Variants in ZBTB17 observed in about 807,000 individuals in gnomAD.
The protein encoded by ZBTB17 is zinc finger and BTB domain containing 17, also known as zinc finger and BTB domain-containing protein 17.
A neutral mutation model predicts 85.1 loss-of-function variants in ZBTB17; 24 were observed. That is an observed-to-expected ratio of 0.28 (90% CI 0.20 to 0.40). The LOEUF (loss-of-function observed/expected upper bound fraction) is 0.40. Among genes scored for constraint, ZBTB17 ranks in the 10% least tolerant of loss-of-function variants. The pLI is 1.00. For missense variants in ZBTB17, 743 were observed against 1,105.1 expected, an observed-to-expected ratio of 0.67 and a Z score of 4.65; for synonymous variants, 464 against 460.2, an observed-to-expected ratio of 1.01 and a Z score of -0.11.
Position 15,944,462 on chromosome 1 carries a change from G to T in ZBTB17, c.1209C>A (p.Gly403=). Residue 403 remains glycine, a synonymous_variant, in exon 9 of 16, where the codon GGC becomes GGA. Transcript: ENST00000375743. ...GCACCAGCTGGTGGCGCTTGAGGTT[G>T]CCCGAGGTGGTGAAGAGCTTGCCGC... ...EDCGKLFTTS[G]NLKRHQLVHS... 1 of 1,576,312 alleles carries T rather than the reference G, an allele frequency of 6.3e-7. No individual in the cohort carries two copies.
At chr1:15,969,756 G>T in intron 2 of ZBTB17, 1 of 497,620 alleles carries the variant, frequency 2.0e-6, no homozygotes, top group Non-Finnish European at 3.9e-6. Context: ...TGGGCCTCAT[G>T]GGACAGTGTC....
At chr1:15,960,170 C>T (rs2072207309) in intron 2 of ZBTB17, among the ~76,000 whole-genome samples, 1 of 152,226 alleles carries the variant, frequency 6.6e-6, no homozygotes, top group African/African-American at 2.4e-5. Context: ...TTAAAACACT[C>T]CTACCTCCAA....
intron 2 of ZBTB17, 88 bp from the exon 3 acceptor site, chr1:15,948,585 C>A: frequency 1.5e-6 from 2 of 1,358,808 alleles, no homozygotes; most frequent in Admixed American, 2.2e-5. Flanking sequence ...CAGGCGAGCA[C>A]CATGGAGAAG....
intron 2 of ZBTB17, among the ~76,000 whole-genome samples, chr1:15,972,107 C>T (rs554295911): frequency 3.8e-4 from 58 of 152,142 alleles, no homozygotes; most frequent in African/African-American, 8.7e-4. Flanking sequence ...TCCCTGTGTG[C>T]GCACACCCTC....
intron 2 of ZBTB17, among the ~76,000 whole-genome samples, chr1:15,961,723 T>C (rs1463731215): frequency 6.6e-6 from 1 of 152,202 alleles, no homozygotes; most frequent in Non-Finnish European, 1.5e-5. Context: ...GCCAGCCGCT[T>C]TGAAGTGCAA....
intron 2 of ZBTB17, among the ~76,000 whole-genome samples, chr1:15,957,836 C>A (rs1386771939): frequency 6.6e-6 from 1 of 152,086 alleles, no homozygotes; most frequent in African/African-American, 2.4e-5. Flanking sequence ...AAGATCTGTG[C>A]CCGGAGACAC....
At chr1:15,971,434 C>T (rs1557799533) in intron 2 of ZBTB17, among the ~76,000 whole-genome samples, 1 of 117,684 alleles carries the variant, frequency 8.5e-6, no homozygotes, top group Non-Finnish European at 1.8e-5. Context: ...TATATACACA[C>T]ACACTATATA....
Position 15,973,796 on chromosome 1 carries a change from A to G in ZBTB17, c.-89-671T>C, listed in dbSNP as rs2072760515. ...CTCTCTGCCTTTAACTCACACCTTT[A>G]TTTCTCACTTGGATTATTCTAGCAG... On this transcript the variant is annotated intron_variant, in intron 1 of 15. Coordinates refer to ENST00000375743, the MANE Select transcript of ZBTB17 (RefSeq NM_003443.3). This position sits in a 1 kb window ranked among gnomAD's most constrained non-coding sequence, Gnocchi z 4.1. 6.6e-6 allele frequency among the ~76,000 whole-genome samples: 1 copy of G among 152,026 alleles called. No individual in the cohort carries two copies. The highest frequency in any genetic ancestry group is 1.5e-5 in the Non-Finnish European group (1 of 68,018).
At chr1:15,949,010 G>C (rs558180590) in intron 2 of ZBTB17, among the ~76,000 whole-genome samples, 14 of 152,176 alleles carry the variant, frequency 9.2e-5, no homozygotes, top group African/African-American at 3.4e-4. Flanking sequence ...TCATCAGCCA[G>C]TGTTGCAGAA....
At chr1:15,962,032 C>T (rs1036322942) in intron 2 of ZBTB17, among the ~76,000 whole-genome samples, 10 of 151,924 alleles carry the variant, frequency 6.6e-5, no homozygotes, top group African/African-American at 2.4e-4. Context: ...GGTGAGATCC[C>T]GTCTCTACAA....
At chr1:15,946,794 A>T in intron 4 of ZBTB17, 141 bp downstream of exon 4, 1 of 1,094,988 alleles carries the variant, frequency 9.1e-7, no homozygotes, top group Admixed American at 2.7e-5. Context: ...CCACCCTCAG[A>T]CCTGAGGCTA....
intron 2 of ZBTB17, among the ~76,000 whole-genome samples, chr1:15,970,517 G>T (rs934984787): frequency 6.6e-6 from 1 of 151,634 alleles, no homozygotes; most frequent in Admixed American, 6.6e-5. Flanking sequence ...CGAGTAGCTG[G>T]GACTACAGGC....
rs769855092 is a variant in ZBTB17 at position 15,944,401 on chromosome 1, C to T, written c.1270G>A (p.Gly424Ser). 51 of 1,562,632 alleles carry T rather than the reference C, an allele frequency of 3.3e-5. No individual in the cohort carries two copies. The South Asian group carries it at 5.1e-4, about 15-fold the overall frequency. Residue 424 changes from glycine to serine, a missense_variant, in exon 9 of 16, where the codon GGC (glycine) becomes AGC (serine). Physicochemically the swap from Gly to Ser is moderately conservative, Grantham distance 56 (BLOSUM62 0). Transcript: ENST00000375743. ...GAAGTGGGGTCGGAGAAGGAGCGGCCGCAGTAGTCGCACTGGTAGGGCTTC... is the reference window on the plus strand; with the variant it reads ...GAAGTGGGGTCGGAGAAGGAGCGGCTGCAGTAGTCGCACTGGTAGGGCTTC... ...GEKPYQCDYC[G>S]RSFSDPTSKM...
At position 15,944,755 on chromosome 1, in the gene ZBTB17, C is replaced by T; in HGVS notation, c.1012G>A (p.Glu338Lys). ...GGGTCGGAAAAGGCCTTGCTGCACT[C>T]CCGGCACGAGAAGGGCTTCTCCCCC... Reference protein sequence around the residue: ...HTGEKPFSCRECSKAFSDPAA... With the variant: ...HTGEKPFSCRKCSKAFSDPAA... Residue 338 changes from glutamate (E) to lysine (K), a missense_variant, in exon 8 of 16, where the codon GAG becomes AAG. Glu to Lys is a moderately conservative substitution (Grantham distance 56, BLOSUM62 1). Around this residue, in one of 4 missense-constraint regions of ZBTB17, gnomAD observed 321 missense variants for 615.7 expected, o/e 0.52. Transcript: ENST00000375743. 1 of 1,612,820 alleles carries T rather than the reference C, an allele frequency of 6.2e-7. No individual in the cohort carries two copies. Among genetic ancestry groups the T allele is most frequent in the Non-Finnish European group, 8.5e-7 (1 of 1,179,858 alleles).
Position 15,965,825 on chromosome 1 carries a change from C to T in ZBTB17, c.-3+7214G>A, listed in dbSNP as rs140819056. On this transcript the variant is annotated intron_variant, in intron 2 of 15. Coordinates refer to ENST00000375743, the MANE Select transcript of ZBTB17 (RefSeq NM_003443.3). ...AAGTTCAAAAACCTGCAGAATTAAA[C>T]GGTACATTGTTTAGCAATACAAACA... 7.0e-3 allele frequency among the ~76,000 whole-genome samples: 1,059 copies of T among 152,272 alleles called. 9 individuals carry two copies. Among genetic ancestry groups the T allele is most frequent in the Admixed American group, 0.011 (164 of 15,298 alleles).
chr1:15,947,963 C>T (rs1050009916), intron 3 of ZBTB17, among the ~76,000 whole-genome samples: 3 of 152,210 alleles, frequency 2.0e-5, no homozygotes, highest in Admixed American at 2.0e-4. Context: ...TGCTTCAGGA[C>T]TGACTCTGCC....
chr1:15,948,619 A>G (rs2071709204), intron 2 of ZBTB17, 122 bp from the exon 3 acceptor site: 2 of 1,072,156 alleles, frequency 1.9e-6, no homozygotes, highest in Non-Finnish European at 2.6e-6. Context: ...AAGTGAGGGC[A>G]TTTCTGCCAC....
At chr1:15,959,988 A>C (rs1385498415) in intron 2 of ZBTB17, among the ~76,000 whole-genome samples, 1 of 152,222 alleles carries the variant, frequency 6.6e-6, no homozygotes, top group Non-Finnish European at 1.5e-5. Context: ...CAGGAAAACA[A>C]TATGAGCAGA....
In ZBTB17 at chr1:15,946,254, G is replaced by A. The variant is rs1167476785; in HGVS notation, c.435C>T (p.Ser145=). Reference sequence around the variant, plus strand: ...CTGCCTGCTCCAGCCTGCTCAGCGTGCTGGTGGCCACCTTCTCCTCTTTGG... The same window carrying A: ...CTGCCTGCTCCAGCCTGCTCAGCGTACTGGTGGCCACCTTCTCCTCTTTGG... ...KRAKEEKVAT[S]TLSRLEQAGR... is the part of the protein sequence containing the mutation. Residue 145 remains serine, a synonymous_variant, in exon 5 of 16, where the codon AGC becomes AGT. Transcript: ENST00000375743. 6.2e-7 allele frequency: 1 copy of A among 1,613,930 alleles called. No homozygotes were observed. Among genetic ancestry groups the A allele is most frequent in the South Asian group, 1.1e-5 (1 of 91,088 alleles).
Sources: gnomAD v4.1 joint callset for allele counts (sites outside exome capture counted in the v4.1 genomes callset) on GRCh38, gnomAD v4.1.1 for gene constraint, gnomAD v4.1.1 regional missense constraint, Gnocchi (gnomAD v3.1) non-coding constraint, MANE v1.5 for transcripts, NCBI Gene and HGNC (gene_info 2026-07-23, HGNC 2026-07-21) for gene names.